The following FAH variants were observed in gnomAD, a reference collection of about 807,000 sequenced individuals.
FAH encodes the protein fumarylacetoacetase.
In FAH, 47 loss-of-function variants were observed where a neutral mutation model predicts 55.8. That is an observed-to-expected ratio of 0.84 (90% CI 0.67 to 1.07). The LOEUF is 1.07. FAH is among the 50% of genes least tolerant of loss of function. The pLI is 0.00. For synonymous variants in FAH, 199 were observed against 207.7 expected (o/e 0.96, Z 0.36); for missense variants, 495 against 545.9 (o/e 0.91, Z 0.93).
At chr15:80,165,360 C>G (rs560467560) in intron 5 of FAH, among the ~76,000 whole-genome samples, 1 of 152,282 alleles carries the variant, frequency 6.6e-6, no homozygotes, top group Non-Finnish European at 1.5e-5. Context: ...GAAACCCTAT[C>G]TCTACAAAAG....
Position 80,172,329 on chromosome 15 carries a change from C to G in FAH, c.706+81C>G, listed in dbSNP as rs1348551687. ...GGGCAATTTCATAGAAGCTGAAGAT[C>G]TGGTGCAGGTCAAAAGTGGCAGGTG... On this transcript the variant is annotated intron_variant, in intron 8 of 13. Coordinates refer to ENST00000561421, the MANE Select transcript of FAH (RefSeq NM_000137.4). 3 of 1,034,204 alleles carry G rather than the reference C, an allele frequency of 2.9e-6. No homozygotes were observed. In the East Asian group the frequency reaches 7.1e-5, roughly 24 times the overall value. The allele number at this position is 1,034,204 out of a possible 1,614,324, so 64.1% of individuals were successfully genotyped here.
chr15:80,181,192 C>T, intron 13 of FAH, 33 bp downstream of exon 13: 1 of 1,473,158 alleles, frequency 6.8e-7, no homozygotes, highest in South Asian at 1.1e-5. Context: ...GCTCGTCTTC[C>T]TCCTTGCCCG....
At chr15:80,159,622 C>A in intron 2 of FAH, 134 bp from the exon 3 acceptor site, 1 of 1,020,528 alleles carries the variant, frequency 9.8e-7, no homozygotes, top group Non-Finnish European at 1.6e-6. Flanking sequence ...AAACTAAGAG[C>A]AGAGGTCCTG....
At position 80,179,983 on chromosome 15, in the gene FAH, G is replaced by A. The variant is rs1339489607; in HGVS notation, c.961-141G>A. ...AATGTGTCCTTACTATAAGGGACTG[G>A]AGAGAGCTGGCTGGGGGAGCTGGGG... On this transcript the variant is annotated intron_variant, in intron 11 of 13. Transcript: ENST00000561421. 3 of 702,214 alleles carry A rather than the reference G, an allele frequency of 4.3e-6. No homozygotes were observed. The East Asian group carries it at 8.3e-5, about 19-fold the overall frequency. 43.5% of individuals were successfully genotyped at this position (702,214 alleles called of 1,614,324 possible).
intron 4 of FAH, among the ~76,000 whole-genome samples, chr15:80,160,797 A>G (rs2041142331): frequency 6.6e-6 from 1 of 152,172 alleles, no homozygotes; most frequent in African/African-American, 2.4e-5. Flanking sequence ...AGTTTTGAGG[A>G]TAGAGGCCAG....
intron 4 of FAH, 97 bp downstream of exon 4, chr15:80,160,556 C>A: frequency 1.7e-6 from 2 of 1,185,556 alleles, no homozygotes; most frequent in African/African-American, 1.5e-5. Context: ...TGGAGGGTCC[C>A]TGCTGGTGGG....
intron 7 of FAH, among the ~76,000 whole-genome samples, chr15:80,170,837 T>C (rs1248352333): frequency 6.6e-6 from 1 of 152,238 alleles, no homozygotes; most frequent in Non-Finnish European, 1.5e-5. Context: ...GACTAAGTTT[T>C]GCAAATGTCA....
At chr15:80,184,409 A>G (rs1360836284) in intron 13 of FAH, among the ~76,000 whole-genome samples, 2 of 152,092 alleles carry the variant, frequency 1.3e-5, no homozygotes, top group Non-Finnish European at 2.9e-5. Context: ...CTGGCACAGA[A>G]TTCCTGCGCA....
intron 7 of FAH, among the ~76,000 whole-genome samples, chr15:80,169,448 A>G (rs2041222082): frequency 6.6e-6 from 1 of 152,218 alleles, no homozygotes; most frequent in Non-Finnish European, 1.5e-5. Context: ...AGTCAAGTGT[A>G]TCAGCCCCAT....
upstream of FAH, chr15:80,152,880 G>A: frequency 3.3e-6 from 2 of 607,444 alleles, no homozygotes; most frequent in Non-Finnish European, 5.9e-6. Flanking sequence ...CGGGGGCGGG[G>A]TGTTCACGGT....
At position 80,181,907 on chromosome 15, in the gene FAH, T is replaced by C. The variant is rs988940579; in HGVS notation, c.1180+748T>C. On this transcript the variant is annotated intron_variant, in intron 13 of 13. Transcript: ENST00000561421. ...GGATTACAGGCGCGCTAATTGTGTA[T>C]GTGTCAGTTTCCGTGCTTAACTAAA... Among the ~76,000 whole-genome samples the C allele has an allele frequency of 7.9e-5, 12 of 152,186 alleles. No homozygotes were observed. In the East Asian group the frequency reaches 2.3e-3, roughly 29 times the overall value.
rs867706337 is a variant in FAH, at chr15:80,168,165, G to T, written c.553+16G>T. 1 of 1,612,690 alleles carries T rather than the reference G, an allele frequency of 6.2e-7. No homozygotes were observed. Among genetic ancestry groups the T allele is most frequent in the Non-Finnish European group, 8.5e-7 (1 of 1,179,102 alleles). On this transcript the variant is annotated intron_variant, in intron 6 of 13. Transcript: ENST00000561421. ...CCTGATGACTGTGAGTGACCGCAGC[G>T]TCCAGGCCTTGCTGGTACCCAGCTC...
chr15:80,186,000 G>A, intron 13 of FAH, 130 bp from the exon 14 acceptor site: 1 of 766,972 alleles, frequency 1.3e-6, no homozygotes, highest in South Asian at 1.4e-5. Context: ...TTTAAGATAT[G>A]TGTGTGTGAT....
At chr15:80,160,208 C>T in intron 3 of FAH, 1 of 674,180 alleles carries the variant, frequency 1.5e-6, no homozygotes, top group Admixed American at 2.2e-5. Context: ...AGTCCCATTT[C>T]CTAGGGTAGA....
intron 5 of FAH, chr15:80,163,486 C>G (rs570763606): frequency 6.6e-6 from 1 of 152,204 alleles, no homozygotes; most frequent in African/African-American, 2.4e-5. Context: ...AGAGGAGAGC[C>G]GGGACCTGGG....
chr15:80,177,522 T>C lies in FAH; in HGVS notation c.914-15T>C. On this transcript the variant is annotated splice_polypyrimidine_tract_variant and intron_variant, in intron 10 of 13. Coordinates refer to ENST00000561421, the MANE Select transcript of FAH (RefSeq NM_000137.4). ...GGAATTAAGTTTTCATCAATATTGC[T>C]TTTCTTTCCAACAGGAGAAGGAATG... 6.2e-7 allele frequency: 1 copy of C among 1,612,988 alleles called. No homozygotes were observed. The highest frequency in any genetic ancestry group is 1.1e-5 in the South Asian group (1 of 91,064).
intron 10 of FAH, among the ~76,000 whole-genome samples, chr15:80,175,846 G>C (rs891839791): frequency 6.6e-6 from 1 of 151,780 alleles, no homozygotes; most frequent in East Asian, 1.9e-4. Context: ...GTCAATTCAT[G>C]CAAAGGTCTG....
chr15:80,160,100 C>A (rs1182659212), intron 3 of FAH: 18 of 662,688 alleles, frequency 2.7e-5, no homozygotes, highest in Non-Finnish European at 4.1e-5. Context: ...CTAGGCCAGG[C>A]CAGGCCCATT....
At position 80,175,017 on chromosome 15, in the gene FAH, A is replaced by G. The variant is rs761703012; in HGVS notation, c.839A>G (p.Asp280Gly). 9 of 1,613,554 alleles carry G rather than the reference A, an allele frequency of 5.6e-6. No individual in the cohort carries two copies. The highest frequency in any genetic ancestry group is 7.6e-6 in the Non-Finnish European group (9 of 1,179,896). Residue 280 changes from aspartate (D) to glycine (G), a missense_variant and splice_region_variant, in exon 10 of 14, where the codon GAC becomes GGC. By Grantham distance (94) the Asp-to-Gly change is moderately conservative (BLOSUM62 -1). Coordinates refer to ENST00000561421, the MANE Select transcript of FAH (RefSeq NM_000137.4). The stretch of plus-strand genomic sequence containing the variant: ...CTGTGCTGTGCTTTGCCCTCTCAGG[A>G]CCCCAGGCCCCTGCCGTATCTGTGC... ...MPFAVPNPKQ[D>G]PRPLPYLCHD... is the part of the protein sequence containing the mutation.
Sources: gnomAD v4.1 joint callset for allele counts (sites outside exome capture counted in the v4.1 genomes callset) on GRCh38, gnomAD v4.1.1 for gene constraint, MANE v1.5 for transcripts, NCBI Gene and HGNC (gene_info 2026-07-23, HGNC 2026-07-21) for gene names.